Variants in ALG3 observed in about 807,000 individuals in gnomAD.
ALG3 encodes the protein dol-P-Man:Man(5)GlcNAc(2)-PP-Dol alpha-1,3-mannosyltransferase.
A neutral mutation model predicts 50.5 loss-of-function variants in ALG3; 39 were observed. That is an observed-to-expected ratio of 0.77 (90% CI 0.60 to 1.01). ALG3 has a LOEUF of 1.01. ALG3 is among the 50% of genes least tolerant of loss of function. The pLI is 0.00. For missense variants in ALG3, 520 were observed against 554.8 expected, an observed-to-expected ratio of 0.94 and a Z score of 0.63; for synonymous variants, 252 against 237.2, an observed-to-expected ratio of 1.06 and a Z score of -0.58.
At chr3:184,249,280 G>A, upstream of ALG3, 2 of 1,610,584 alleles carry the variant, frequency 1.2e-6, no homozygotes, top group South Asian at 1.1e-5. Context: ...GGGAACATCT[G>A]TGTTCATGCT....
In ALG3 at chr3:184,244,831, C is replaced by T. The variant is rs544187221; in HGVS notation, c.606-110G>A. ...CACAGCAACCTCCCCCCCGCCGCCA[C>T]GCCAACAAACTCCAAGATGGGACCT... On this transcript the variant is annotated intron_variant, in intron 4 of 8. Transcript: ENST00000397676. 4.1e-5 allele frequency: 59 copies of T among 1,433,942 alleles called. 1 individual carries two copies. The highest frequency in any genetic ancestry group is 2.4e-4 in the Middle Eastern group (1 of 4,118). 88.8% of individuals were successfully genotyped at this position (1,433,942 alleles called of 1,614,324 possible).
intron 1 of ALG3, among the ~76,000 whole-genome samples, chr3:184,247,498 A>T (rs1012968262): frequency 6.6e-6 from 1 of 151,254 alleles, no homozygotes; most frequent in African/African-American, 2.4e-5. Flanking sequence ...GGATTTCATC[A>T]TGTTGGCCAG....
rs77177287 is a variant in ALG3, at chr3:184,245,074, G to A, written c.605+124C>T. On this transcript the variant is annotated intron_variant, in intron 4 of 8. Coordinates refer to ENST00000397676, the MANE Select transcript of ALG3 (RefSeq NM_005787.6). Reference sequence around the variant, plus strand: ...GAAACTTTCTATAGATCCTGGACTCGCTTTGTGGAGCCCTGAGTGACCCAT... The same window carrying A: ...GAAACTTTCTATAGATCCTGGACTCACTTTGTGGAGCCCTGAGTGACCCAT... 0.019 allele frequency: 25,080 copies of A among 1,293,708 alleles called. 306 individuals carry two copies. The highest frequency in any genetic ancestry group is 0.023 in the Non-Finnish European group (21,537 of 916,654). The allele number at this position is 1,293,708 out of a possible 1,614,324, so 80.1% of individuals were successfully genotyped here. A position where few individuals can be genotyped will look rare whatever the true frequency, so the allele number is the denominator to read the frequency against.
chr3:184,249,202 C>G, upstream of ALG3: 1 of 1,610,640 alleles, frequency 6.2e-7, no homozygotes, highest in South Asian at 1.1e-5. Flanking sequence ...AACGAATGTC[C>G]AGAAAAGCAA....
At position 184,243,925 on chromosome 3, in the gene ALG3, G is replaced by A; in HGVS notation, c.798C>T (p.Arg266=). 1 of 1,613,832 alleles carries A rather than the reference G, an allele frequency of 6.2e-7. No homozygotes were observed. The highest frequency in any genetic ancestry group is 8.5e-7 in the Non-Finnish European group (1 of 1,179,896). ...GYLSRSFDLG[R]QFLFHWTVNW... ...TCACTGTCCAGTGGAACAGAAACTG[G>A]CGGCCAAGGTCAAAGGAGCGGGACA... is the stretch of plus-strand genomic sequence containing the variant. Residue 266 remains arginine (R), a synonymous_variant, in exon 6 of 9, where the codon CGC becomes CGT. Coordinates refer to ENST00000397676, the MANE Select transcript of ALG3 (RefSeq NM_005787.6).
rs992372429 is a variant in ALG3 at position 184,248,920 on chromosome 3, T to C, written c.21A>G (p.Lys7=). The C allele has an allele frequency of 6.3e-7, 1 of 1,588,418 alleles. No individual in the cohort carries two copies. Among genetic ancestry groups the C allele is most frequent in the Middle Eastern group, 1.7e-4 (1 of 6,016 alleles). The change falls in exon 1 of 9, where the codon AAA becomes AAG. Residue 7 remains lysine (K), a synonymous_variant. Transcript: ENST00000397676. MAAGLR[K]RGRSGSAAQA... is the part of the protein sequence containing the mutation. The stretch of plus-strand genomic sequence containing the variant: ...GGGCCGCGGAACCGGACCGGCCGCG[T>C]TTCCGCAGCCCAGCCGCCATCTTAA...
intron 4 of ALG3, 150 bp downstream of exon 4, chr3:184,245,047 CA>C: frequency 9.3e-7 from 1 of 1,071,920 alleles, no homozygotes; most frequent in Non-Finnish European, 1.4e-6. Context: ...GATGGCAGGG[CA>C]GAAACTTTCT....
Position 184,245,519 on chromosome 3 carries a change from G to A in ALG3, c.393C>T (p.Leu131=). Residue 131 remains leucine (L), a synonymous_variant, in exon 3 of 9, where the codon CTC becomes CTT. Transcript: ENST00000397676. Reference sequence around the variant, plus strand: ...AGACAAGCAGCAAGGTAGCCAGGTAGAGCACAGCAAAGATGTTCTGGGCCA... The same window carrying A: ...AGACAAGCAGCAAGGTAGCCAGGTAAAGCACAGCAAAGATGTTCTGGGCCA... ...IRMAQNIFAV[L]YLATLLLVFL... 2 of 1,614,026 alleles carry A rather than the reference G, an allele frequency of 1.2e-6. No individual in the cohort carries two copies. Among genetic ancestry groups the A allele is most frequent in the Non-Finnish European group, 1.7e-6 (2 of 1,179,898 alleles).
rs1718871701 is a variant in ALG3, at chr3:184,242,671, A to G, written c.1160T>C (p.Leu387Ser). The change falls in exon 9 of 9, where the codon TTG becomes TCG. Residue 387 changes from leucine to serine, a missense_variant. Physicochemically the swap from Leu to Ser is moderately radical, Grantham distance 145. Transcript: ENST00000397676. Reference sequence around the variant, plus strand: ...GGAGAGCTCGATGAGCCCCAGCACCAACAACCTGGAGATGAGAAACAGGTT... The same window carrying G: ...GGAGAGCTCGATGAGCCCCAGCACCGACAACCTGGAGATGAGAAACAGGTT... ...ARWLTHLLRL[L>S]VLGLIELSWN... 1 of 1,559,540 alleles carries G rather than the reference A, an allele frequency of 6.4e-7. No homozygotes were observed. The highest frequency in any genetic ancestry group is 8.7e-7 in the Non-Finnish European group (1 of 1,149,820).
At chr3:184,247,250 C>T (rs113670329) in intron 1 of ALG3, among the ~76,000 whole-genome samples, 61 of 152,226 alleles carry the variant, frequency 4.0e-4, no homozygotes, top group African/African-American at 1.4e-3. Flanking sequence ...CCACCTCAGC[C>T]TCCCAAAGTG....
At chr3:184,242,749 G>C (rs1463719282) in intron 8 of ALG3, 64 bp downstream of exon 8, 2 of 1,598,084 alleles carry the variant, frequency 1.3e-6, no homozygotes, top group Non-Finnish European at 8.6e-7. Context: ...TCATGCCCTA[G>C]ACATAAACCC....
intron 7 of ALG3, 59 bp from the exon 8 acceptor site, chr3:184,243,016 G>C: frequency 6.3e-7 from 1 of 1,596,654 alleles, no homozygotes; most frequent in Non-Finnish European, 8.5e-7. Flanking sequence ...TCCCAAAACA[G>C]AGGGGCAATA....
At chr3:184,243,670 G>T in intron 6 of ALG3, 40 bp from the exon 7 acceptor site, 4 of 1,611,204 alleles carry the variant, frequency 2.5e-6, no homozygotes, top group Non-Finnish European at 3.4e-6. Flanking sequence ...AGCCCCTTTT[G>T]TGAGTCAAAC....
intron 1 of ALG3, among the ~76,000 whole-genome samples, chr3:184,248,465 T>C (rs1473733691): frequency 1.1e-4 from 16 of 145,548 alleles, no homozygotes; most frequent in African/African-American, 4.0e-4. Context: ...GCAGCAGCAG[T>C]ACAACAATTT....
At chr3:184,246,967 C>T (rs999104226) in intron 1 of ALG3, among the ~76,000 whole-genome samples, 4 of 152,064 alleles carry the variant, frequency 2.6e-5, no homozygotes, top group Admixed American at 2.6e-4. Flanking sequence ...TGCAGTGGTG[C>T]GATCTCAGCT....
Position 184,243,561 on chromosome 3 carries a change from T to A in ALG3, c.1002A>T (p.Thr334=). Residue 334 remains threonine, a synonymous_variant, in exon 7 of 9, where the codon ACA becomes ACT. Transcript: ENST00000397676. ...SKRKVPPQPL[T]PNQIVSTLFT... is the part of the protein sequence containing the mutation. Reference sequence around the variant, plus strand: ...CCACAATTTAAAGGATATGGTTGGGTGTAAGGGGCTGGGGTGGAACCTTCC... The same window carrying A: ...CCACAATTTAAAGGATATGGTTGGGAGTAAGGGGCTGGGGTGGAACCTTCC... 6.2e-7 allele frequency: 1 copy of A among 1,613,742 alleles called. No individual in the cohort carries two copies. The highest frequency in any genetic ancestry group is 1.1e-5 in the South Asian group (1 of 91,054).
rs1718862743 is a variant in ALG3, at chr3:184,242,610, A to G, written c.1221T>C (p.Ala407=). ...NTYPSTSCSS[A]ALHICHAVIL... The stretch of plus-strand genomic sequence containing the variant: ...TGACGGCATGGCATATGTGCAGGGC[A>G]GCAGAGCTGCAGGATGTGGAAGGGT... Residue 407 remains alanine, a synonymous_variant, in exon 9 of 9, where the codon GCT becomes GCC. Coordinates refer to ENST00000397676, the MANE Select transcript of ALG3 (RefSeq NM_005787.6). The G allele has an allele frequency of 6.3e-7, 1 of 1,588,536 alleles. No individual in the cohort carries two copies. The highest frequency in any genetic ancestry group is 1.7e-5 in the Admixed American group (1 of 58,732).
intron 1 of ALG3, among the ~76,000 whole-genome samples, chr3:184,248,076 GA>G (rs1185980168): frequency 6.9e-6 from 1 of 144,388 alleles, no homozygotes; most frequent in Non-Finnish European, 1.5e-5. Flanking sequence ...GGATGGCCTC[GA>G]TCTCCTGACC....
In ALG3 at chr3:184,245,548, G is replaced by A. The variant is rs763104840; in HGVS notation, c.364C>T (p.Arg122Cys). 1.1e-5 allele frequency: 17 copies of A among 1,613,850 alleles called. No homozygotes were observed. The highest frequency in any genetic ancestry group is 2.2e-5 in the East Asian group (1 of 44,900). ...ACAGCAAAGATGTTCTGGGCCATGCGGATGTCAGTGCCTCGGCTGGTGGCA... is the reference window on the plus strand; with the variant it reads ...ACAGCAAAGATGTTCTGGGCCATGCAGATGTCAGTGCCTCGGCTGGTGGCA... ...YYATSRGTDI[R>C]MAQNIFAVLY... The change falls in exon 3 of 9, where the codon CGC becomes TGC. Residue 122 changes from arginine (R) to cysteine (C), a missense_variant. Physicochemically the swap from Arg to Cys is radical, Grantham distance 180. This residue lies in a region of ALG3 where 290 missense variants were observed against 265.9 expected (regional missense o/e 1.09). Transcript: ENST00000397676.
Sources: allele counts gnomAD v4.1 joint callset (sites outside exome capture counted in the v4.1 genomes callset), GRCh38; gene constraint gnomAD v4.1.1; regional missense constraint gnomAD v4.1.1; transcripts MANE v1.5; gene names NCBI Gene and HGNC (gene_info 2026-07-23, HGNC 2026-07-21).